NCOA1: variants seen among roughly 807,000 people sequenced by gnomAD.
NCOA1 encodes nuclear receptor coactivator 1.
A neutral mutation model predicts 150.9 loss-of-function variants in NCOA1; 35 were observed. That is an observed-to-expected ratio of 0.23 (90% CI 0.18 to 0.31). The LOEUF is 0.31. Ranked by LOEUF, NCOA1 falls within the 10% of genes least tolerant of loss-of-function variation. The pLI is 1.00. For synonymous variants in NCOA1, 590 were observed against 630.0 expected (o/e 0.94, Z 0.95); for missense variants, 1,491 against 1,749.3 (o/e 0.85, Z 2.63).
At chr2:24,638,071 G>A (rs982190179) in intron 3 of NCOA1, among the ~76,000 whole-genome samples, 4 of 151,326 alleles carry the variant, frequency 2.6e-5, no homozygotes, top group Non-Finnish European at 5.9e-5. Flanking sequence ...CTCCTATCTA[G>A]CTATAATTTT....
intron 14 of NCOA1, among the ~76,000 whole-genome samples, chr2:24,714,518 A>G (rs977180578): frequency 6.6e-6 from 1 of 152,122 alleles, no homozygotes. Context: ...AGAGCCAAAT[A>G]GAGCTGGTAG....
intron 2 of NCOA1, among the ~76,000 whole-genome samples, chr2:24,583,819 C>T (rs910659366): frequency 4.3e-4 from 66 of 152,132 alleles, no homozygotes; most frequent in Admixed American, 3.4e-3. Context: ...CACATTTTCA[C>T]TCATATTGTG....
chr2:24,578,550 A>G (rs1029186801), intron 2 of NCOA1, among the ~76,000 whole-genome samples: 6 of 152,196 alleles, frequency 3.9e-5, no homozygotes, highest in African/African-American at 1.4e-4. Context: ...GGACATGCCC[A>G]TTAGCTCTTA....
At chr2:24,671,830 C>A (rs911698611) in intron 6 of NCOA1, among the ~76,000 whole-genome samples, 6 of 152,184 alleles carry the variant, frequency 3.9e-5, no homozygotes, top group African/African-American at 1.4e-4. Context: ...TCCCAAAGTG[C>A]TGGGATTACA....
At chr2:24,632,633 C>T (rs1669757266) in intron 3 of NCOA1, among the ~76,000 whole-genome samples, 1 of 152,112 alleles carries the variant, frequency 6.6e-6, no homozygotes, top group Admixed American at 6.5e-5. Context: ...CCTTTAGCAT[C>T]CAGGCAGGAA....
intron 21 of NCOA1, among the ~76,000 whole-genome samples, chr2:24,761,870 G>A (rs750847893): frequency 6.6e-5 from 10 of 152,194 alleles, no homozygotes; most frequent in Non-Finnish European, 1.5e-4. Context: ...CATGAATTAC[G>A]ATGTTTTCCA....
intron 1 of NCOA1, among the ~76,000 whole-genome samples, chr2:24,518,369 C>G (rs1312519338): frequency 6.6e-6 from 1 of 151,890 alleles, no homozygotes; most frequent in Non-Finnish European, 1.5e-5. Context: ...TATGAAAAAC[C>G]TACGGTTTAA....
intron 9 of NCOA1, among the ~76,000 whole-genome samples, chr2:24,692,391 A>G (rs1341251198): frequency 6.6e-6 from 1 of 152,202 alleles, no homozygotes; most frequent in East Asian, 1.9e-4. Flanking sequence ...GTTCATTTTT[A>G]GCTGTGTGAT....
chr2:24,681,063 TA>T (rs70947836), intron 7 of NCOA1, among the ~76,000 whole-genome samples: 321 of 144,690 alleles, frequency 2.2e-3, no homozygotes, highest in African/African-American at 3.9e-3. Flanking sequence ...CATTTTCACA[TA>T]AAAAAAAAAA....
rs1183405187 is a variant in NCOA1 at position 24,576,149 on chromosome 2, GTTTT to G, written c.-259-8317_-259-8314del. Among the ~76,000 whole-genome samples, 818 of 93,876 alleles carry G rather than the reference GTTTT, an allele frequency of 8.7e-3. 8 individuals are homozygous for G. Among genetic ancestry groups the G allele is most frequent in the African/African-American group, 0.024 (534 of 22,316 alleles). The allele number at this position is 93,876 out of a possible 152,430, so 61.6% of individuals were successfully genotyped here. On this transcript the variant is annotated intron_variant, in intron 2 of 22. Transcript: ENST00000348332. Reference sequence around the variant, plus strand: ...GAGTTTCAGAAATTATTTGGCCTTTGTTTTTTTTTTTTTGTTTTTTGTTTTTTTT... The same window carrying G: ...GAGTTTCAGAAATTATTTGGCCTTTGTTTTTTTTTGTTTTTTGTTTTTTTT...
intron 1 of NCOA1, among the ~76,000 whole-genome samples, chr2:24,512,117 A>T (rs1342051557): frequency 6.6e-6 from 1 of 152,214 alleles, no homozygotes; most frequent in Admixed American, 6.5e-5. Flanking sequence ...GAGGATGTTT[A>T]TTGATTATGC....
chr2:24,568,653 T>C (rs1666607221), intron 2 of NCOA1, among the ~76,000 whole-genome samples: 1 of 152,212 alleles, frequency 6.6e-6, no homozygotes, highest in Non-Finnish European at 1.5e-5. Context: ...ATCTTTTTCA[T>C]AGGAAAAAGC....
chr2:24,588,973 C>T (rs1457552398), intron 3 of NCOA1, among the ~76,000 whole-genome samples: 2 of 152,164 alleles, frequency 1.3e-5, no homozygotes, highest in African/African-American at 2.4e-5. Flanking sequence ...GAGTACCAGA[C>T]TTACTCCCAT....
At chr2:24,615,627 C>A (rs548928737) in intron 3 of NCOA1, among the ~76,000 whole-genome samples, 3 of 152,276 alleles carry the variant, frequency 2.0e-5, no homozygotes, top group Non-Finnish European at 4.4e-5. Context: ...AAGTGCCAAG[C>A]ATTGTCCTAG....
At chr2:24,494,879 T>C (rs1663134270) in intron 1 of NCOA1, among the ~76,000 whole-genome samples, 1 of 152,246 alleles carries the variant, frequency 6.6e-6, no homozygotes, top group African/African-American at 2.4e-5. Context: ...AGATTAGCAG[T>C]AGTTTAGCCG....
intron 1 of NCOA1, among the ~76,000 whole-genome samples, chr2:24,495,670 A>C (rs1663174740): frequency 6.6e-6 from 1 of 152,144 alleles, no homozygotes; most frequent in African/African-American, 2.4e-5. Flanking sequence ...GTGATGCTTC[A>C]TTTTTGCCCT....
intron 20 of NCOA1, among the ~76,000 whole-genome samples, chr2:24,755,873 C>T (rs1664472195): frequency 1.3e-5 from 2 of 152,126 alleles, no homozygotes; most frequent in Admixed American, 6.6e-5. Flanking sequence ...CTTGCTCCTC[C>T]GCAGTGGTGA....
At chr2:24,763,770 G>A (rs760681854) in intron 22 of NCOA1, among the ~76,000 whole-genome samples, 11 of 151,118 alleles carry the variant, frequency 7.3e-5, no homozygotes, top group African/African-American at 9.7e-5. Flanking sequence ...ATAGGCGCCC[G>A]CCACCATGCC....
chr2:24,618,378 C>T (rs1208036410), intron 3 of NCOA1, among the ~76,000 whole-genome samples: 1 of 152,156 alleles, frequency 6.6e-6, no homozygotes, highest in Non-Finnish European at 1.5e-5. Flanking sequence ...CTTCACTGTT[C>T]CATTTAAGTG....
Sources: allele counts gnomAD v4.1 joint callset (sites outside exome capture counted in the v4.1 genomes callset), GRCh38; gene constraint gnomAD v4.1.1; transcripts MANE v1.5; gene names NCBI Gene and HGNC (gene_info 2026-07-23, HGNC 2026-07-21).